NALF1: variants seen among roughly 807,000 people sequenced by gnomAD.
NALF1 encodes the protein family with sequence similarity 155 member A.
In NALF1, 3 loss-of-function variants were observed where a neutral mutation model predicts 48.4. The observed-to-expected ratio is 0.06, with a 90% CI of 0.03 to 0.16. The LOEUF (loss-of-function observed/expected upper bound fraction) is 0.16, where lower values mean the gene tolerates loss of function less well. Ranked by LOEUF, NALF1 falls within the 10% of genes least tolerant of loss-of-function variation. The pLI, the probability that NALF1 is intolerant of heterozygous loss-of-function variation, is 1.00. For synonymous variants in NALF1, 262 were observed against 245.7 expected, an observed-to-expected ratio of 1.07 and a Z score of -0.62; for missense variants, 526 against 571.5, an observed-to-expected ratio of 0.92 and a Z score of 0.81.
At position 107,512,091 on chromosome 13, in the gene NALF1, T is replaced by C. The variant is rs192892635; in HGVS notation, c.916-301336A>G. ...ATACATTGCACTAACAAAGTGATCTTTAGAAAAACCTGGTTTACTTTGGCT... is the reference window on the plus strand; with the variant it reads ...ATACATTGCACTAACAAAGTGATCTCTAGAAAAACCTGGTTTACTTTGGCT... On this transcript the variant is annotated intron_variant, in intron 1 of 2. Coordinates refer to ENST00000375915, the MANE Select transcript of NALF1 (RefSeq NM_001080396.3). Among the ~76,000 whole-genome samples the C allele has an allele frequency of 8.9e-4, 135 of 152,316 alleles. 3 individuals are homozygous for C. Among genetic ancestry groups the C allele is most frequent in the Admixed American group, 8.4e-3 (128 of 15,300 alleles).
chr13:107,540,042 T>C (rs1042770578), intron 1 of NALF1, among the ~76,000 whole-genome samples: 1 of 92,858 alleles, frequency 1.1e-5, no homozygotes, highest in Non-Finnish European at 2.2e-5. Flanking sequence ...CCCATCAGCT[T>C]CTGATGTACA....
intron 1 of NALF1, among the ~76,000 whole-genome samples, chr13:107,296,659 T>TAA (rs1415977735): frequency 6.6e-6 from 1 of 152,204 alleles, no homozygotes; most frequent in Non-Finnish European, 1.5e-5. Context: ...AACTGACACT[T>TAA]AGACTTCACT....
chr13:107,865,548 G>A (rs1880687583), intron 1 of NALF1, 134 bp downstream of exon 1: 1 of 1,210,246 alleles, frequency 8.3e-7, no homozygotes, highest in South Asian at 1.5e-5. Context: ...AGCAAGCCAA[G>A]CTCTTAATAA....
chr13:107,749,109 C>CA (rs1203909129), intron 1 of NALF1, among the ~76,000 whole-genome samples: 1 of 146,454 alleles, frequency 6.8e-6, no homozygotes, highest in Non-Finnish European at 1.5e-5. Flanking sequence ...GGAAATGACT[C>CA]AGACTATAAT....
intron 1 of NALF1, among the ~76,000 whole-genome samples, chr13:107,462,543 C>A (rs192182410): frequency 6.6e-6 from 1 of 151,900 alleles, no homozygotes; most frequent in African/African-American, 2.4e-5. Context: ...GAAGGGTCAA[C>A]TCAGCAGGCC....
intron 1 of NALF1, among the ~76,000 whole-genome samples, chr13:107,527,465 C>T (rs1043278934): frequency 6.6e-6 from 1 of 151,526 alleles, no homozygotes; most frequent in African/African-American, 2.4e-5. Flanking sequence ...TACGCATATG[C>T]ATGGGGCATG....
intron 1 of NALF1, among the ~76,000 whole-genome samples, chr13:107,799,559 C>G (rs1878537496): frequency 6.6e-6 from 1 of 152,198 alleles, no homozygotes; most frequent in African/African-American, 2.4e-5. Flanking sequence ...GAAGTTTGCA[C>G]TCACAATTCA....
intron 1 of NALF1, among the ~76,000 whole-genome samples, chr13:107,787,220 A>T (rs1350194580): frequency 6.6e-6 from 1 of 152,202 alleles, no homozygotes; most frequent in East Asian, 1.9e-4. Context: ...CCATAACAGA[A>T]TATATTCTTA....
At chr13:107,301,069 C>A (rs9559005) in intron 1 of NALF1, among the ~76,000 whole-genome samples, 16,853 of 152,106 alleles carry the variant, frequency 0.11, 1,092 homozygotes, top group East Asian at 0.22. Flanking sequence ...TCTTTATATT[C>A]CTCTTTTTTA....
chr13:107,176,944 C>G (rs1878951620), intron 2 of NALF1, among the ~76,000 whole-genome samples: 1 of 150,834 alleles, frequency 6.6e-6, no homozygotes, highest in Admixed American at 6.6e-5. Flanking sequence ...TCATCCAGCC[C>G]CAAATGTCAT....
At chr13:107,224,897 A>G (rs910430367) in intron 1 of NALF1, among the ~76,000 whole-genome samples, 2 of 152,248 alleles carry the variant, frequency 1.3e-5, no homozygotes, top group African/African-American at 4.8e-5. Context: ...CCTCACTGAA[A>G]AACAACAATA....
chr13:107,722,853 G>A (rs139958239), intron 1 of NALF1, among the ~76,000 whole-genome samples: 3 of 152,282 alleles, frequency 2.0e-5, no homozygotes, highest in Non-Finnish European at 4.4e-5. Context: ...GTTTCAGCGC[G>A]CACCTTCCCT....
At chr13:107,653,483 AT>A (rs5806674) in intron 1 of NALF1, among the ~76,000 whole-genome samples, 143,686 of 151,092 alleles carry the variant, frequency 0.95, 68,744 homozygotes, top group Non-Finnish European at 1. Flanking sequence ...GCAGAGAGGT[AT>A]TTTTTTTTTT....
intron 1 of NALF1, among the ~76,000 whole-genome samples, chr13:107,375,117 T>C (rs1883314921): frequency 6.6e-6 from 1 of 152,160 alleles, no homozygotes; most frequent in Admixed American, 6.5e-5. Context: ...TTGAATAGGA[T>C]AAGTATAACA....
intron 1 of NALF1, among the ~76,000 whole-genome samples, chr13:107,217,185 C>T (rs1879891098): frequency 6.6e-6 from 1 of 152,166 alleles, no homozygotes; most frequent in Non-Finnish European, 1.5e-5. Context: ...ATTGTTCTTT[C>T]CAAGCTCCTT....
intron 1 of NALF1, among the ~76,000 whole-genome samples, chr13:107,239,445 A>T (rs1792587041): frequency 6.6e-6 from 1 of 152,176 alleles, no homozygotes; most frequent in African/African-American, 2.4e-5. Flanking sequence ...TTCTATAAGG[A>T]CACCAGTCAT....
intron 1 of NALF1, among the ~76,000 whole-genome samples, chr13:107,356,868 T>C (rs1055597901): frequency 2.6e-5 from 4 of 152,232 alleles, no homozygotes; most frequent in Non-Finnish European, 1.5e-5. Flanking sequence ...ATGAGAAATG[T>C]AGTTGGCCTT....
At chr13:107,751,944 T>C (rs1876952698) in intron 1 of NALF1, among the ~76,000 whole-genome samples, 1 of 152,136 alleles carries the variant, frequency 6.6e-6, no homozygotes, top group Admixed American at 6.5e-5. Context: ...TAATAAAATA[T>C]AAATTTTACA....
At chr13:107,493,136 A>C (rs1390204534) in intron 1 of NALF1, among the ~76,000 whole-genome samples, 1 of 152,144 alleles carries the variant, frequency 6.6e-6, no homozygotes, top group Non-Finnish European at 1.5e-5. Context: ...CTCCATTTCC[A>C]TACATTTTAT....
Sources: allele counts gnomAD v4.1 joint callset (sites outside exome capture counted in the v4.1 genomes callset), GRCh38; gene constraint gnomAD v4.1.1; transcripts MANE v1.5; gene names NCBI Gene and HGNC (gene_info 2026-07-23, HGNC 2026-07-21).